CSMD1: variants seen among roughly 807,000 people sequenced by gnomAD.
The protein encoded by CSMD1 is CUB and sushi domain-containing protein 1.
CSMD1 carries 213 observed loss-of-function variants against 417.5 expected under a neutral mutation model. That is an observed-to-expected ratio of 0.51 (90% CI 0.46 to 0.57). The LOEUF (loss-of-function observed/expected upper bound fraction) is 0.57, where lower values mean the gene tolerates loss of function less well. Ranked by LOEUF, CSMD1 falls within the 20% of genes least tolerant of loss-of-function variation. CSMD1 has a pLI of 0.00. For missense variants in CSMD1, 6,923 were observed against 4,529.7 expected, an observed-to-expected ratio of 1.53 and a Z score of -15.17; for synonymous variants, 2,862 against 1,736.8, an observed-to-expected ratio of 1.65 and a Z score of -16.11.
chr8:3,231,793 T>C (rs1249402971), intron 26 of CSMD1, among the ~76,000 whole-genome samples: 1 of 152,212 alleles, frequency 6.6e-6, no homozygotes, highest in Non-Finnish European at 1.5e-5. Flanking sequence ...AATTAGTACC[T>C]AATTAGTACT....
intron 4 of CSMD1, among the ~76,000 whole-genome samples, chr8:4,017,629 T>C (rs947665087): frequency 1.3e-5 from 2 of 152,142 alleles, no homozygotes; most frequent in East Asian, 1.9e-4. Context: ...TAACTCTAAA[T>C]TGTGTAGAAA....
At chr8:4,461,182 T>G (rs998982501) in intron 2 of CSMD1, among the ~76,000 whole-genome samples, 7 of 151,588 alleles carry the variant, frequency 4.6e-5, no homozygotes, top group Non-Finnish European at 1.0e-4. Flanking sequence ...AGTGACAAAA[T>G]TCAACATTCT....
chr8:4,159,734 G>A (rs1044148712), intron 3 of CSMD1, among the ~76,000 whole-genome samples: 4 of 152,136 alleles, frequency 2.6e-5, no homozygotes, highest in East Asian at 1.9e-4. Context: ...GACTACAGGT[G>A]CCCGCCACCA....
At chr8:3,429,966 C>T (rs1369656473) in intron 12 of CSMD1, among the ~76,000 whole-genome samples, 1 of 151,950 alleles carries the variant, frequency 6.6e-6, no homozygotes, top group Non-Finnish European at 1.5e-5. Context: ...TAATCGATAT[C>T]TGTATGTATG....
intron 3 of CSMD1, among the ~76,000 whole-genome samples, chr8:4,257,061 A>G (rs540201841): frequency 6.6e-6 from 1 of 152,272 alleles, no homozygotes; most frequent in African/African-American, 2.4e-5. Flanking sequence ...CATCATTTTA[A>G]AATTGACAGT....
At chr8:3,677,390 A>T (rs1263550040) in intron 7 of CSMD1, among the ~76,000 whole-genome samples, 1 of 152,200 alleles carries the variant, frequency 6.6e-6, no homozygotes, top group Non-Finnish European at 1.5e-5. Flanking sequence ...ACAAGAAAAC[A>T]TACCCAGTTC....
intron 2 of CSMD1, among the ~76,000 whole-genome samples, chr8:4,422,732 A>G (rs1320996860): frequency 2.0e-5 from 3 of 152,154 alleles, no homozygotes; most frequent in African/African-American, 2.4e-5. Flanking sequence ...AAACACAGAA[A>G]AAAGAAAAAT....
chr8:3,348,253 C>A, intron 21 of CSMD1, 92 bp from the exon 22 acceptor site: 1 of 868,438 alleles, frequency 1.2e-6, no homozygotes, highest in Non-Finnish European at 1.8e-6. Flanking sequence ...ATAGCCTCCT[C>A]TTCTATCAAC....
intron 18 of CSMD1, chr8:3,373,725 G>C (rs906679319): frequency 1.3e-5 from 2 of 152,088 alleles, no homozygotes; most frequent in African/African-American, 4.8e-5. Context: ...CCTTTTCTGA[G>C]TAGCTGTAAA....
At chr8:3,926,131 A>T (rs1434096606) in intron 5 of CSMD1, among the ~76,000 whole-genome samples, 1 of 129,224 alleles carries the variant, frequency 7.7e-6, no homozygotes, top group African/African-American at 3.0e-5. Context: ...ACACACACAC[A>T]CTTGTGGTGT....
chr8:3,847,189 G>A (rs764057284), intron 5 of CSMD1, among the ~76,000 whole-genome samples: 3 of 152,034 alleles, frequency 2.0e-5, no homozygotes, highest in Admixed American at 6.6e-5. Flanking sequence ...CAGGTGGCGC[G>A]GTGTCACTCT....
At chr8:4,128,170 C>T (rs150773317) in intron 3 of CSMD1, among the ~76,000 whole-genome samples, 374 of 152,122 alleles carry the variant, frequency 2.5e-3, no homozygotes, top group African/African-American at 8.5e-3. Context: ...CACTCTTGGT[C>T]GGGGACCCCT....
Position 3,181,120 on chromosome 8 carries a change from C to T in CSMD1, c.5715G>A (p.Leu1905=). The T allele has an allele frequency of 6.2e-7, 1 of 1,612,130 alleles. No individual in the cohort carries two copies. Among genetic ancestry groups the T allele is most frequent in the Non-Finnish European group, 8.5e-7 (1 of 1,178,520 alleles). ...AAGAGTTGACCTTACTTTTGTATTC[C>T]AGGTGGAAACCAGCAGCTGCCACAC... ...DISVAAAGFH[L]EYKTVGLAAC... The change falls in exon 37 of 70, where the codon CTG becomes CTA. Residue 1905 remains leucine (L), a synonymous_variant. Coordinates refer to ENST00000635120, the MANE Select transcript of CSMD1 (RefSeq NM_033225.6).
chr8:3,018,378 T>A, intron 52 of CSMD1, 99 bp downstream of exon 52: 1 of 1,102,406 alleles, frequency 9.1e-7, no homozygotes, highest in Non-Finnish European at 1.3e-6. Flanking sequence ...CAGGTAGGAT[T>A]TAAGGCATTA....
chr8:4,180,542 C>G (rs1157404341), intron 3 of CSMD1, among the ~76,000 whole-genome samples: 1 of 151,578 alleles, frequency 6.6e-6, no homozygotes, highest in Non-Finnish European at 1.5e-5. Flanking sequence ...CTAACCTGCA[C>G]ATTGTGCACA....
chr8:3,770,868 C>A (rs917603820), intron 5 of CSMD1, among the ~76,000 whole-genome samples: 5 of 152,278 alleles, frequency 3.3e-5, no homozygotes, highest in Middle Eastern at 3.4e-3. Flanking sequence ...TCCTGTAGCT[C>A]ATATTTTTTA....
intron 12 of CSMD1, among the ~76,000 whole-genome samples, chr8:3,468,062 C>T (rs1387573705): frequency 6.6e-6 from 1 of 152,154 alleles, no homozygotes; most frequent in Non-Finnish European, 1.5e-5. Flanking sequence ...AAAACTATTT[C>T]AAAGGAGAAT....
At chr8:3,933,969 G>A (rs546589533) in intron 5 of CSMD1, among the ~76,000 whole-genome samples, 7 of 152,006 alleles carry the variant, frequency 4.6e-5, no homozygotes, top group African/African-American at 9.7e-5. Context: ...CCACACAGTC[G>A]GGCTAGTGAA....
intron 7 of CSMD1, among the ~76,000 whole-genome samples, chr8:3,618,917 T>C (rs1802280961): frequency 6.6e-6 from 1 of 152,108 alleles, no homozygotes; most frequent in African/African-American, 2.4e-5. Context: ...CGATGGTCGC[T>C]CTGTGGGCTG....
Sources: allele counts gnomAD v4.1 joint callset (sites outside exome capture counted in the v4.1 genomes callset), GRCh38; gene constraint gnomAD v4.1.1; transcripts MANE v1.5; gene names NCBI Gene and HGNC (gene_info 2026-07-23, HGNC 2026-07-21).